Variants in NETO1 observed in about 807,000 individuals in gnomAD.
The protein encoded by NETO1 is neuropilin and tolloid-like protein 1.
NETO1 carries 26 observed loss-of-function variants against 61.3 expected under a neutral mutation model. The observed-to-expected ratio is 0.42, with a 90% CI of 0.31 to 0.59. The LOEUF is 0.59. Ranked by LOEUF, NETO1 falls within the 20% of genes least tolerant of loss-of-function variation. NETO1 has a pLI of 0.12. For synonymous variants in NETO1, 225 were observed against 225.8 expected, an observed-to-expected ratio of 1.00 and a Z score of 0.03; for missense variants, 531 against 662.8, an observed-to-expected ratio of 0.80 and a Z score of 2.18.
intron 7 of NETO1, among the ~76,000 whole-genome samples, chr18:72,757,412 C>CTGAAATTCAGGATGATATTCATCA (rs2070819808): frequency 6.7e-6 from 1 of 149,776 alleles, no homozygotes; most frequent in Non-Finnish European, 1.5e-5. Flanking sequence ...AAAAAAAACA[C>CTGAAATTCAGGATGATATTCATCA]TCAAATTCTG....
At chr18:72,743,342 G>C (rs2070370421), downstream of NETO1, among the ~76,000 whole-genome samples, 2 of 152,166 alleles carry the variant, frequency 1.3e-5, no homozygotes, top group Non-Finnish European at 2.9e-5. Context: ...TTCAAGACCT[G>C]CTTAGAAGGT....
rs2070455919 is a variant in NETO1 at position 72,747,494 on chromosome 18, G to C, written c.*685C>G. 1 of 151,868 alleles carries C rather than the reference G, an allele frequency of 6.6e-6. No homozygotes were observed. Among genetic ancestry groups the C allele is most frequent in the Admixed American group, 6.6e-5 (1 of 15,230 alleles). 9.4% of individuals were successfully genotyped at this position (151,868 alleles called of 1,614,324 possible). A position where few individuals can be genotyped will look rare whatever the true frequency, so the allele number is the denominator to read the frequency against. ...ATGGTAAAATACCTGACTTCAAAAA[G>C]GATTTCTGAAACTCAGTACTTTCTT... is the stretch of plus-strand genomic sequence containing the variant. On this transcript the variant is annotated 3_prime_UTR_variant, in exon 11 of 11. Transcript: ENST00000327305.
chr18:72,837,770 C>T (rs1453753998), intron 4 of NETO1, among the ~76,000 whole-genome samples: 3 of 152,048 alleles, frequency 2.0e-5, no homozygotes, highest in African/African-American at 7.2e-5. Context: ...TGGGGGGATC[C>T]TATAGATTTT....
At chr18:72,750,041 A>C (rs755828904) in intron 9 of NETO1, 21 bp downstream of exon 9, 2 of 1,513,670 alleles carry the variant, frequency 1.3e-6, no homozygotes, top group Admixed American at 4.3e-5. Context: ...AGTTGTCATC[A>C]AAAAATCTAT....
At chr18:72,837,863 A>C (rs1344792696) in intron 4 of NETO1, among the ~76,000 whole-genome samples, 1 of 151,938 alleles carries the variant, frequency 6.6e-6, no homozygotes, top group Non-Finnish European at 1.5e-5. Context: ...AAGAGCCAAC[A>C]GCCACACAAA....
At chr18:72,755,901 T>G (rs2070766409) in intron 8 of NETO1, 133 bp downstream of exon 8, 1 of 527,540 alleles carries the variant, frequency 1.9e-6, no homozygotes, top group South Asian at 3.2e-5. Flanking sequence ...ACAAATCAAT[T>G]ATAAGACATA....
At chr18:72,768,048 G>A (rs568532657) in intron 7 of NETO1, among the ~76,000 whole-genome samples, 1 of 152,340 alleles carries the variant, frequency 6.6e-6, no homozygotes, top group South Asian at 2.1e-4. Flanking sequence ...GAAAGTGGAA[G>A]AACTGGCTGA....
intron 7 of NETO1, among the ~76,000 whole-genome samples, chr18:72,781,009 C>T (rs2071715974): frequency 1.3e-5 from 2 of 152,102 alleles, no homozygotes; most frequent in South Asian, 4.1e-4. Flanking sequence ...TTATTTTTAT[C>T]AGTCATAATC....
chr18:72,743,240 C>T (rs2070368923), downstream of NETO1, among the ~76,000 whole-genome samples: 1 of 152,134 alleles, frequency 6.6e-6, no homozygotes, highest in African/African-American at 2.4e-5. Flanking sequence ...TTCCAACCAG[C>T]TCAATTAGAT....
intron 4 of NETO1, among the ~76,000 whole-genome samples, chr18:72,853,697 C>A (rs559406686): frequency 1.3e-5 from 2 of 148,852 alleles, no homozygotes; most frequent in East Asian, 3.9e-4. Context: ...GCAGAGGTTG[C>A]AGTGAGCCAA....
chr18:72,835,527 A>G (rs1300961671), intron 4 of NETO1, among the ~76,000 whole-genome samples: 1 of 152,216 alleles, frequency 6.6e-6, no homozygotes, highest in African/African-American at 2.4e-5. Flanking sequence ...GTAGAAAGCT[A>G]AGACATAGAT....
At chr18:72,743,225 C>T (rs1053573327), downstream of NETO1, among the ~76,000 whole-genome samples, 2 of 152,146 alleles carry the variant, frequency 1.3e-5, no homozygotes, top group Non-Finnish European at 2.9e-5. Context: ...TGTCTCCTGT[C>T]TATGTTCCAA....
intron 4 of NETO1, among the ~76,000 whole-genome samples, chr18:72,837,731 T>C (rs2073796798): frequency 6.6e-6 from 1 of 152,202 alleles, no homozygotes; most frequent in Non-Finnish European, 1.5e-5. Flanking sequence ...AATGTAGAAT[T>C]TCCTTTTCCT....
intron 6 of NETO1, among the ~76,000 whole-genome samples, chr18:72,788,859 A>G (rs1253224498): frequency 6.6e-6 from 1 of 152,140 alleles, no homozygotes; most frequent in East Asian, 1.9e-4. Flanking sequence ...CACCTGCTCA[A>G]CCAGGTCCCT....
At chr18:72,779,220 T>C (rs1389358697) in intron 7 of NETO1, among the ~76,000 whole-genome samples, 1 of 151,946 alleles carries the variant, frequency 6.6e-6, no homozygotes, top group South Asian at 2.1e-4. Context: ...TATAACTATA[T>C]ATACATCTAT....
At chr18:72,838,247 ACT>A (rs2073818075) in intron 4 of NETO1, among the ~76,000 whole-genome samples, 1 of 152,196 alleles carries the variant, frequency 6.6e-6, no homozygotes, top group African/African-American at 2.4e-5. Context: ...TCTGTGGTTA[ACT>A]CTAGGCTTCA....
At chr18:72,852,825 TTC>T (rs1379587546) in intron 4 of NETO1, among the ~76,000 whole-genome samples, 2 of 121,502 alleles carry the variant, frequency 1.6e-5, no homozygotes, top group Non-Finnish European at 3.6e-5. Context: ...ATTGATAATT[TTC>T]TTTTTCTTTT....
intron 4 of NETO1, among the ~76,000 whole-genome samples, chr18:72,809,530 T>A (rs2072793701): frequency 6.6e-6 from 1 of 152,240 alleles, no homozygotes; most frequent in South Asian, 2.1e-4. Flanking sequence ...ATGGATTTGC[T>A]AAAGTATAAA....
intron 7 of NETO1, among the ~76,000 whole-genome samples, chr18:72,768,913 A>T (rs2071253267): frequency 6.6e-6 from 1 of 152,228 alleles, no homozygotes; most frequent in Admixed American, 6.5e-5. Flanking sequence ...GATGCTTCTA[A>T]ACATATGCTA....
Sources: allele counts gnomAD v4.1 joint callset (sites outside exome capture counted in the v4.1 genomes callset), GRCh38; gene constraint gnomAD v4.1.1; transcripts MANE v1.5; gene names NCBI Gene and HGNC (gene_info 2026-07-23, HGNC 2026-07-21).